The following CCSER1 variants were observed in gnomAD, a reference collection of about 807,000 sequenced individuals.
CCSER1 encodes the protein coiled-coil serine rich protein 1, also known as serine-rich coiled-coil domain-containing protein 1.
In CCSER1, 41 loss-of-function variants were observed where a neutral mutation model predicts 82.0. The ratio of observed to expected loss-of-function variants is 0.50; its 90% CI spans 0.39 to 0.65. The LOEUF (loss-of-function observed/expected upper bound fraction) is 0.65, where lower values mean the gene tolerates loss of function less well. Ranked by LOEUF, CCSER1 falls within the 30% of genes least tolerant of loss-of-function variation. The probability of loss-of-function intolerance (pLI) is 0.00; values close to 1 mark genes in which losing one functional copy is unlikely to be tolerated. For synonymous variants in CCSER1, 414 were observed against 383.9 expected (o/e 1.08, Z -0.92); for missense variants, 1,119 against 1,064.2 (o/e 1.05, Z -0.72).
intron 9 of CCSER1, among the ~76,000 whole-genome samples, chr4:91,084,632 T>C (rs1723171561): frequency 6.6e-6 from 1 of 152,154 alleles, no homozygotes; most frequent in Non-Finnish European, 1.5e-5. Context: ...ATGTTCTAAT[T>C]TTTTGTTTTA....
rs571540079 is a variant in CCSER1 at position 90,838,644 on chromosome 4, T to G, written c.2094+22799T>G. 1.0e-3 allele frequency among the ~76,000 whole-genome samples: 158 copies of G among 152,152 alleles called. 1 individual carries two copies. The highest frequency in any genetic ancestry group is 2.0e-3 in the Non-Finnish European group (133 of 68,028). ...CTTGGTTTTACTCTAGATTTCACTGTTGTCCCACCCCACTTCTTCCACCCC... is the reference window on the plus strand; with the variant it reads ...CTTGGTTTTACTCTAGATTTCACTGGTGTCCCACCCCACTTCTTCCACCCC... On this transcript the variant is annotated intron_variant, in intron 8 of 10. Coordinates refer to ENST00000509176, the MANE Select transcript of CCSER1 (RefSeq NM_001145065.2).
intron 10 of CCSER1, among the ~76,000 whole-genome samples, chr4:91,389,404 C>T (rs1751512921): frequency 1.3e-5 from 2 of 151,972 alleles, no homozygotes; most frequent in South Asian, 4.1e-4. Flanking sequence ...GGGTCTATTT[C>T]TGGGTTCTCT....
chr4:90,966,826 A>G (rs1363828903), intron 9 of CCSER1, among the ~76,000 whole-genome samples: 2 of 152,146 alleles, frequency 1.3e-5, no homozygotes, highest in African/African-American at 4.8e-5. Context: ...AATATAATCC[A>G]GATTGACCTA....
chr4:91,032,946 C>G (rs1027315818), intron 9 of CCSER1, among the ~76,000 whole-genome samples: 1 of 152,084 alleles, frequency 6.6e-6, no homozygotes, highest in African/African-American at 2.4e-5. Flanking sequence ...TAGTTCCTTC[C>G]ACCTCCCCGG....
intron 8 of CCSER1, among the ~76,000 whole-genome samples, chr4:90,861,931 T>A: frequency 1.8e-5 from 2 of 110,782 alleles, no homozygotes; most frequent in African/African-American, 6.3e-5. Flanking sequence ...TATATATTTT[T>A]TTTTTCTGTT....
At chr4:90,316,612 T>C (rs1345748311) in intron 3 of CCSER1, among the ~76,000 whole-genome samples, 1 of 152,216 alleles carries the variant, frequency 6.6e-6, no homozygotes, top group Non-Finnish European at 1.5e-5. Context: ...GTAATACTTC[T>C]TTACTCCTAA....
chr4:91,544,699 T>A (rs1240611446), intron 10 of CCSER1, among the ~76,000 whole-genome samples: 56 of 152,202 alleles, frequency 3.7e-4, no homozygotes. Context: ...CACCCTGCTA[T>A]GTGAGGTGTC....
At chr4:91,424,312 C>G (rs957172266) in intron 10 of CCSER1, among the ~76,000 whole-genome samples, 2 of 151,960 alleles carry the variant, frequency 1.3e-5, no homozygotes, top group Admixed American at 1.3e-4. Flanking sequence ...CCACCGCGCC[C>G]GGCCAAGAAC....
intron 5 of CCSER1, among the ~76,000 whole-genome samples, chr4:90,620,811 C>T (rs1722175900): frequency 6.6e-6 from 1 of 151,962 alleles, no homozygotes; most frequent in Non-Finnish European, 1.5e-5. Flanking sequence ...TCTTTTCTTT[C>T]TTTCTTTTAT....
intron 9 of CCSER1, among the ~76,000 whole-genome samples, chr4:90,947,433 CAT>C (rs1732388844): frequency 6.6e-6 from 1 of 152,232 alleles, no homozygotes; most frequent in African/African-American, 2.4e-5. Flanking sequence ...CAATTTTTAA[CAT>C]ATGACATAAA....
chr4:90,351,831 T>G (rs1288204686), intron 3 of CCSER1, among the ~76,000 whole-genome samples: 1 of 152,222 alleles, frequency 6.6e-6, no homozygotes, highest in Non-Finnish European at 1.5e-5. Flanking sequence ...TGAATAAAAC[T>G]ACTTAGTCAT....
intron 10 of CCSER1, among the ~76,000 whole-genome samples, chr4:91,563,547 A>C (rs1459330821): frequency 7.9e-5 from 12 of 151,690 alleles, no homozygotes; most frequent in Non-Finnish European, 3.0e-5. Context: ...TTCCATATCT[A>C]CAACACAATA....
intron 9 of CCSER1, among the ~76,000 whole-genome samples, chr4:91,033,099 GT>G (rs752818212): frequency 3.9e-5 from 6 of 152,220 alleles, no homozygotes; most frequent in Admixed American, 6.5e-5. Context: ...ACAAATTAAG[GT>G]AATACTGGAA....
chr4:91,598,837 GCTCT>G lies in CCSER1; in HGVS notation c.2486_2489del (p.Ser829Ter). The G allele has an allele frequency of 4.5e-6, 7 of 1,551,636 alleles. No individual in the cohort carries two copies. Among genetic ancestry groups the G allele is most frequent in the Non-Finnish European group, 6.1e-6 (7 of 1,146,930 alleles). On this transcript the variant is annotated frameshift_variant, in exon 11 of 11. Coordinates refer to ENST00000509176, the MANE Select transcript of CCSER1 (RefSeq NM_001145065.2). LOFTEE classifies it high-confidence loss of function. Reference sequence around the variant, plus strand: ...AACTTACGGGCCACCGTTGGGCAGAGCTCTCTGAAGCCAACAGCTAAGACAGAAG... The same window carrying G: ...AACTTACGGGCCACCGTTGGGCAGAGCTGAAGCCAACAGCTAAGACAGAAG...
At chr4:91,237,637 AAGAT>A (rs1739117968) in intron 10 of CCSER1, among the ~76,000 whole-genome samples, 1 of 152,168 alleles carries the variant, frequency 6.6e-6, no homozygotes, top group African/African-American at 2.4e-5. Flanking sequence ...GGTAGAGACT[AAGAT>A]AGAACAAATT....
intron 10 of CCSER1, among the ~76,000 whole-genome samples, chr4:91,273,109 A>AT (rs912140675): frequency 2.2e-4 from 32 of 148,362 alleles, no homozygotes; most frequent in Admixed American, 4.0e-4. Context: ...GAATTTTAGG[A>AT]TTTTTTTTTT....
intron 8 of CCSER1, among the ~76,000 whole-genome samples, chr4:90,817,455 T>A (rs1412055730): frequency 6.6e-6 from 1 of 152,042 alleles, no homozygotes; most frequent in Non-Finnish European, 1.5e-5. Context: ...TAGTTATAAT[T>A]TAAAAAATTT....
chr4:90,925,555 A>G (rs1364052022), intron 9 of CCSER1, among the ~76,000 whole-genome samples: 1 of 152,144 alleles, frequency 6.6e-6, no homozygotes, highest in Non-Finnish European at 1.5e-5. Flanking sequence ...ACCTCTGGGG[A>G]AATGACTTAT....
intron 3 of CCSER1, among the ~76,000 whole-genome samples, chr4:90,357,710 A>G (rs1480023644): frequency 6.6e-6 from 1 of 152,062 alleles, no homozygotes; most frequent in African/African-American, 2.4e-5. Context: ...AATTTGACAA[A>G]TCATGGTGTG....
Sources: allele counts gnomAD v4.1 joint callset (sites outside exome capture counted in the v4.1 genomes callset), GRCh38; gene constraint gnomAD v4.1.1; transcripts MANE v1.5; gene names NCBI Gene and HGNC (gene_info 2026-07-23, HGNC 2026-07-21).